Variants in CLVS1 observed in about 807,000 individuals in gnomAD.
CLVS1 encodes clavesin-1.
A neutral mutation model predicts 33.1 loss-of-function variants in CLVS1; 10 were observed. The ratio of observed to expected loss-of-function variants is 0.30; its 90% CI spans 0.19 to 0.51. The LOEUF is 0.51. Among genes scored for constraint, CLVS1 ranks in the 20% least tolerant of loss-of-function variants. CLVS1 has a pLI of 0.97. For missense variants in CLVS1, 343 were observed against 433.4 expected, an observed-to-expected ratio of 0.79 and a Z score of 1.85; for synonymous variants, 163 against 166.1, an observed-to-expected ratio of 0.98 and a Z score of 0.14.
chr8:61,209,852 T>C (rs1207446046), intron 2 of CLVS1, among the ~76,000 whole-genome samples: 3 of 152,154 alleles, frequency 2.0e-5, no homozygotes, highest in Non-Finnish European at 4.4e-5. Flanking sequence ...GTGGTGGGGA[T>C]TGGGGGAGTA....
chr8:61,313,508 C>G (rs1810911423), intron 2 of CLVS1, among the ~76,000 whole-genome samples: 1 of 152,178 alleles, frequency 6.6e-6, no homozygotes, highest in Non-Finnish European at 1.5e-5. Flanking sequence ...GCATGCCAGT[C>G]ATTTAGGAAA....
chr8:61,077,218 C>T (rs973815028), intron 1 of CLVS1, among the ~76,000 whole-genome samples: 1 of 151,544 alleles, frequency 6.6e-6, no homozygotes, highest in Non-Finnish European at 1.5e-5. Flanking sequence ...GGACTACAGG[C>T]GCCTGCCACC....
intron 2 of CLVS1, among the ~76,000 whole-genome samples, chr8:61,321,930 T>G (rs574166326): frequency 1.2e-4 from 18 of 152,270 alleles, no homozygotes; most frequent in African/African-American, 3.8e-4. Flanking sequence ...GTACTCCAGA[T>G]TCCCCTGATG....
At chr8:61,122,564 A>C (rs1805892995) in intron 1 of CLVS1, among the ~76,000 whole-genome samples, 1 of 123,186 alleles carries the variant, frequency 8.1e-6, no homozygotes, top group Non-Finnish European at 1.6e-5. Context: ...AGCCTATATT[A>C]AGAAAACACA....
chr8:61,433,143 G>C (rs1420801947), intron 3 of CLVS1, among the ~76,000 whole-genome samples: 8 of 152,148 alleles, frequency 5.3e-5, no homozygotes, highest in Admixed American at 5.2e-4. Context: ...TTGTAGAGAA[G>C]GTGTTTCACC....
At chr8:61,307,853 T>A (rs1004868632) in intron 2 of CLVS1, among the ~76,000 whole-genome samples, 1 of 152,168 alleles carries the variant, frequency 6.6e-6, no homozygotes, top group Admixed American at 6.5e-5. Flanking sequence ...ACTCCCACCT[T>A]ATGGAGTCTC....
chr8:61,368,013 A>C (rs1040252722), intron 2 of CLVS1, among the ~76,000 whole-genome samples: 2 of 152,214 alleles, frequency 1.3e-5, no homozygotes, highest in Non-Finnish European at 2.9e-5. Context: ...TGAAGTGAAG[A>C]AATAGATGCA....
At chr8:61,223,953 G>T (rs950714798) in intron 2 of CLVS1, among the ~76,000 whole-genome samples, 1 of 141,474 alleles carries the variant, frequency 7.1e-6, no homozygotes, top group Non-Finnish European at 1.5e-5. Context: ...TGTTCTGCTT[G>T]GTTGATTTGG....
At chr8:61,119,192 A>C (rs988725926) in intron 1 of CLVS1, among the ~76,000 whole-genome samples, 1 of 152,162 alleles carries the variant, frequency 6.6e-6, no homozygotes, top group African/African-American at 2.4e-5. Flanking sequence ...CTAGGATGGC[A>C]ACCCCTGCCT....
intron 5 of CLVS1, among the ~76,000 whole-genome samples, chr8:61,459,967 C>T (rs1037856656): frequency 6.6e-6 from 1 of 152,130 alleles, no homozygotes; most frequent in Non-Finnish European, 1.5e-5. Flanking sequence ...GTGTGTCTGC[C>T]TCTATCCTAA....
intron 1 of CLVS1, among the ~76,000 whole-genome samples, chr8:61,088,034 C>T (rs1805157205): frequency 6.6e-6 from 1 of 152,170 alleles, no homozygotes; most frequent in Admixed American, 6.5e-5. Flanking sequence ...GATTCTACAA[C>T]ATGTTTTGTT....
intron 5 of CLVS1, among the ~76,000 whole-genome samples, chr8:61,486,995 C>T (rs931810538): frequency 2.0e-5 from 3 of 152,054 alleles, no homozygotes; most frequent in African/African-American, 7.2e-5. Context: ...TGTTTCCTAC[C>T]TATGTGTGAG....
At chr8:61,391,290 A>T (rs1814294709) in intron 3 of CLVS1, 1 of 152,226 alleles carries the variant, frequency 6.6e-6, no homozygotes, top group Admixed American at 6.5e-5. Context: ...TCAATTCAGC[A>T]ACTATTTATT....
chr8:61,135,294 C>T (rs1409138468), intron 2 of CLVS1, among the ~76,000 whole-genome samples: 4 of 151,998 alleles, frequency 2.6e-5, no homozygotes, highest in Non-Finnish European at 5.9e-5. Flanking sequence ...CCTTCCAAGC[C>T]CCTGTGACTT....
At chr8:61,377,913 T>A (rs1813710806) in intron 3 of CLVS1, 1 of 116,190 alleles carries the variant, frequency 8.6e-6, no homozygotes, top group South Asian at 2.7e-4. Context: ...TGGGGGACAT[T>A]TGTAAAATTG....
chr8:61,348,879 C>G (rs1282402948), intron 2 of CLVS1, among the ~76,000 whole-genome samples: 1 of 152,130 alleles, frequency 6.6e-6, no homozygotes, highest in African/African-American at 2.4e-5. Context: ...TCCTTGCTAA[C>G]ACTTGTCATT....
At chr8:61,069,154 G>T (rs1227592302) in intron 1 of CLVS1, among the ~76,000 whole-genome samples, 5 of 152,128 alleles carry the variant, frequency 3.3e-5, no homozygotes, top group Non-Finnish European at 7.3e-5. Flanking sequence ...TTTTAGTAGA[G>T]ACTGGCTTTC....
intron 2 of CLVS1, among the ~76,000 whole-genome samples, chr8:61,205,772 A>G (rs1807826376): frequency 6.6e-6 from 1 of 152,210 alleles, no homozygotes; most frequent in East Asian, 1.9e-4. Context: ...CAACACATGT[A>G]ATTATTTTTT....
the CLVS1 span, among the ~76,000 whole-genome samples, chr8:61,039,072 T>G: frequency 7.4e-4 from 112 of 152,326 alleles, no homozygotes; most frequent in African/African-American, 2.6e-3. Flanking sequence ...GCTAACTCAG[T>G]GCCGACTTTG....
Sources: allele counts gnomAD v4.1 joint callset (sites outside exome capture counted in the v4.1 genomes callset), GRCh38; gene constraint gnomAD v4.1.1; transcripts MANE v1.5; gene names NCBI Gene and HGNC (gene_info 2026-07-23, HGNC 2026-07-21).